The following OSBP2 variants were observed in gnomAD, a reference collection of about 807,000 sequenced individuals.
OSBP2 encodes the protein oxysterol binding protein 2, also known as oxysterol-binding protein 2.
Under a neutral mutation model 96.0 loss-of-function variants are expected in OSBP2, and 66 were observed. The observed-to-expected ratio is 0.69, with a 90% confidence interval of 0.56 to 0.84. The LOEUF is 0.84. Among genes scored for constraint, OSBP2 ranks in the 40% least tolerant of loss-of-function variants. The pLI, the probability that OSBP2 is intolerant of heterozygous loss-of-function variation, is 0.00. For missense variants in OSBP2, 1,038 were observed against 1,222.7 expected (o/e 0.85, Z 2.25); for synonymous variants, 525 against 520.9 (o/e 1.01, Z -0.11).
chr22:30,817,229 T>A (rs2091093552), intron 2 of OSBP2, among the ~76,000 whole-genome samples: 1 of 152,220 alleles, frequency 6.6e-6, no homozygotes, highest in Admixed American at 6.5e-5. Context: ...ACTGCTGCTT[T>A]AAAGGGCTTC....
At chr22:30,773,103 AT>A (rs695837) in intron 2 of OSBP2, 303 of 123,274 alleles carry the variant, frequency 2.5e-3, no homozygotes, top group Admixed American at 4.8e-3. Context: ...GTTAAACACG[AT>A]TTTTTTTTTT....
intron 2 of OSBP2, among the ~76,000 whole-genome samples, chr22:30,750,538 A>G (rs930902479): frequency 6.6e-6 from 1 of 152,196 alleles, no homozygotes; most frequent in Non-Finnish European, 1.5e-5. Context: ...GGTTCAGGCA[A>G]TGATGGGAAG....
At chr22:30,896,351 CAAAG>C (rs1046945207) in intron 12 of OSBP2, among the ~76,000 whole-genome samples, 1 of 151,706 alleles carries the variant, frequency 6.6e-6, no homozygotes, top group African/African-American at 2.4e-5. Context: ...CTACTAGGAT[CAAAG>C]AAAAAGAGAA....
intron 1 of OSBP2, 152 bp downstream of exon 1, chr22:30,695,705 G>A (rs1306388098): frequency 4.4e-6 from 6 of 1,361,250 alleles, no homozygotes; most frequent in East Asian, 2.4e-5. Flanking sequence ...CTTCTGGCCC[G>A]CCGCCAAGGG....
chr22:30,886,943 A>G (rs2039822998), intron 3 of OSBP2, among the ~76,000 whole-genome samples: 2 of 152,220 alleles, frequency 1.3e-5, no homozygotes, highest in African/African-American at 4.8e-5. Flanking sequence ...GTTTATCAAG[A>G]AAGTAAAGGA....
intron 2 of OSBP2, among the ~76,000 whole-genome samples, chr22:30,772,412 C>T (rs190946763): frequency 6.6e-6 from 1 of 152,350 alleles, no homozygotes; most frequent in East Asian, 1.9e-4. Flanking sequence ...GCCCATCTTT[C>T]CTTGTCTCTG....
At chr22:30,694,036 T>C, upstream of OSBP2, 1 of 1,547,440 alleles carries the variant, frequency 6.5e-7, no homozygotes, top group Middle Eastern at 1.7e-4. Flanking sequence ...CACAGCCTCC[T>C]TTGTTATGGA....
chr22:30,726,015 A>G (rs1161640314), intron 1 of OSBP2, among the ~76,000 whole-genome samples: 1 of 152,074 alleles, frequency 6.6e-6, no homozygotes, highest in Non-Finnish European at 1.5e-5. Context: ...CCTGGCCTCA[A>G]GTGATATGCC....
chr22:30,827,355 T>G (rs1234284451), intron 2 of OSBP2, among the ~76,000 whole-genome samples: 1 of 152,150 alleles, frequency 6.6e-6, no homozygotes, highest in Non-Finnish European at 1.5e-5. Flanking sequence ...TGTGACTCAC[T>G]GTGAAGCGGT....
rs576000493 is a variant in OSBP2 at position 30,862,195 on chromosome 22, G to A, written c.854-8234G>A. Among the ~76,000 whole-genome samples the A allele has an allele frequency of 8.1e-4, 124 of 152,302 alleles. 2 individuals are homozygous for A. The highest frequency in any genetic ancestry group is 8.0e-3 in the Admixed American group (123 of 15,284). ...TGGCAGCCCTAGCCTGGAGGGGCTG[G>A]GTCCTCCTCTAGTGCCACTCCAAGG... is the stretch of plus-strand genomic sequence containing the variant. On this transcript the variant is annotated intron_variant, in intron 2 of 13. Coordinates refer to ENST00000332585, the MANE Select transcript of OSBP2 (RefSeq NM_030758.4).
intron 2 of OSBP2, among the ~76,000 whole-genome samples, chr22:30,825,413 C>T (rs948492847): frequency 6.6e-6 from 1 of 152,150 alleles, no homozygotes; most frequent in African/African-American, 2.4e-5. Flanking sequence ...GCCCTACTCA[C>T]CTGGCAAGGT....
At chr22:30,815,364 C>T (rs1353318633) in intron 2 of OSBP2, among the ~76,000 whole-genome samples, 2 of 152,200 alleles carry the variant, frequency 1.3e-5, no homozygotes, top group African/African-American at 4.8e-5. Context: ...TGTGTCCCCA[C>T]CCCATGGCCT....
rs746884351 is a variant in OSBP2, at chr22:30,889,518, A to G, written c.1505A>G (p.Lys502Arg). ...NVLDGASLVP[K>R]GSSKVKRRVR... ...CTAGATGGTGCCTCGCTCGTGCCCA[A>G]GGGTTCATCCAAAGTCAAGAGGCGA... The change falls in exon 7 of 14, where the codon AAG becomes AGG. Residue 502 changes from lysine to arginine, a missense_variant. Around this residue, in one of 3 missense-constraint regions of OSBP2, gnomAD observed 737 missense variants for 913.3 expected, o/e 0.81. Transcript: ENST00000332585. The G allele has an allele frequency of 6.2e-6, 10 of 1,613,972 alleles. No individual in the cohort carries two copies. The highest frequency in any genetic ancestry group is 8.5e-6 in the Non-Finnish European group (10 of 1,180,020).
chr22:30,768,358 A>G lies in OSBP2; in HGVS notation c.853+26989A>G, dbSNP rs564704819. On this transcript the variant is annotated intron_variant, in intron 2 of 13. Coordinates refer to ENST00000332585, the MANE Select transcript of OSBP2 (RefSeq NM_030758.4). Reference sequence around the variant, plus strand: ...GTTCTTCTTATGAAGAGGTCAGAGCATAACAAAAGTGGTTGTCTAGTTTAA... The same window carrying G: ...GTTCTTCTTATGAAGAGGTCAGAGCGTAACAAAAGTGGTTGTCTAGTTTAA... Among the ~76,000 whole-genome samples, 25 of 152,308 alleles carry G rather than the reference A, an allele frequency of 1.6e-4. No individual in the cohort carries two copies. In the South Asian group the frequency reaches 4.8e-3, roughly 29 times the overall value.
intron 3 of OSBP2, 55 bp from the exon 4 acceptor site, chr22:30,887,371 C>A: frequency 6.7e-7 from 1 of 1,502,432 alleles, no homozygotes; most frequent in Non-Finnish European, 9.2e-7. Context: ...ATGCCTCTGA[C>A]AGATGGGCCC....
At chr22:30,798,244 TCTA>T (rs1373583080) in intron 2 of OSBP2, among the ~76,000 whole-genome samples, 3 of 152,240 alleles carry the variant, frequency 2.0e-5, no homozygotes, top group African/African-American at 7.2e-5. Context: ...TGGATAAATG[TCTA>T]CTAAAGTCCT....
chr22:30,711,709 C>T (rs1453573235), intron 1 of OSBP2, among the ~76,000 whole-genome samples: 1 of 146,482 alleles, frequency 6.8e-6, no homozygotes, highest in African/African-American at 2.5e-5. Context: ...TACTGCACTC[C>T]AGCCTGGGTG....
At chr22:30,843,456 C>A (rs1475892755) in intron 2 of OSBP2, among the ~76,000 whole-genome samples, 2 of 149,812 alleles carry the variant, frequency 1.3e-5, no homozygotes, top group African/African-American at 5.0e-5. Flanking sequence ...CCCCCTCCCC[C>A]TTGAGCAATA....
chr22:30,862,789 T>C (rs1321156252), intron 2 of OSBP2, among the ~76,000 whole-genome samples: 5 of 151,220 alleles, frequency 3.3e-5, no homozygotes, highest in South Asian at 2.1e-4. Flanking sequence ...CTGGCCAACA[T>C]AGTGAAACCC....
Sources: allele counts gnomAD v4.1 joint callset (sites outside exome capture counted in the v4.1 genomes callset), GRCh38; gene constraint gnomAD v4.1.1; regional missense constraint gnomAD v4.1.1; transcripts MANE v1.5; gene names NCBI Gene and HGNC (gene_info 2026-07-23, HGNC 2026-07-21).